SDHAF3: variants seen among roughly 807,000 people sequenced by gnomAD.
SDHAF3 encodes succinate dehydrogenase complex assembly factor 3.
SDHAF3 carries 18 observed loss-of-function variants against 11.5 expected under a neutral mutation model. The observed-to-expected ratio is 1.56, with a 90% CI of 1.08 to 2.32. SDHAF3 has a LOEUF of 2.32. Ranked by LOEUF, SDHAF3 falls within the 30% of genes most tolerant of loss-of-function variation. SDHAF3 has a pLI of 0.00. For synonymous variants in SDHAF3, 72 were observed against 59.3 expected (o/e 1.21, Z -0.99); for missense variants, 200 against 154.4 (o/e 1.30, Z -1.57).
In SDHAF3 at chr7:97,119,120, A is replaced by G. The variant is rs188929002; in HGVS notation, c.174+1223A>G. 5.3e-5 allele frequency among the ~76,000 whole-genome samples: 8 copies of G among 152,310 alleles called. No individual in the cohort carries two copies. The East Asian group carries it at 1.3e-3, about 26-fold the overall frequency. ...TCTATAAAATAATAAGTGTTTATGC[A>G]TCTCAAAATTTACGTATGTAAATGT... is the stretch of plus-strand genomic sequence containing the variant. On this transcript the variant is annotated intron_variant, in intron 1 of 1. Transcript: ENST00000432641.
chr7:97,164,138 G>A (rs1789460984), intron 1 of SDHAF3, among the ~76,000 whole-genome samples: 1 of 150,998 alleles, frequency 6.6e-6, no homozygotes, highest in African/African-American at 2.4e-5. Flanking sequence ...TAGAGACGAG[G>A]TTTCACCATG....
intron 1 of SDHAF3, among the ~76,000 whole-genome samples, chr7:97,166,261 T>C (rs1023610507): frequency 2.0e-5 from 3 of 152,128 alleles, no homozygotes; most frequent in African/African-American, 7.2e-5. Context: ...CCCTAGGTGG[T>C]TGGGCAACAG....
At chr7:97,130,963 A>G (rs560815733) in intron 1 of SDHAF3, among the ~76,000 whole-genome samples, 4 of 152,350 alleles carry the variant, frequency 2.6e-5, no homozygotes, top group South Asian at 2.1e-4. Context: ...GGACTTTGCC[A>G]GGAACTGGCA....
At chr7:97,122,640 G>A (rs1791519652) in intron 1 of SDHAF3, among the ~76,000 whole-genome samples, 5 of 152,116 alleles carry the variant, frequency 3.3e-5, no homozygotes, top group Admixed American at 3.3e-4. Context: ...AGTCATATAG[G>A]AGGAACAGAT....
chr7:97,181,333 TA>T lies in SDHAF3; in HGVS notation c.*119del. Reference sequence around the variant, plus strand: ...ACCTGTTATTAATGAAATACTCTTTTATTTTGGATATTATGATTGCAGTATA... The same window carrying T: ...ACCTGTTATTAATGAAATACTCTTTTTTTTGGATATTATGATTGCAGTATA... On this transcript the variant is annotated 3_prime_UTR_variant, in exon 2 of 2. Transcript: ENST00000432641. 1.4e-6 allele frequency: 1 copy of T among 724,738 alleles called. No individual in the cohort carries two copies. Among genetic ancestry groups the T allele is most frequent in the Non-Finnish European group, 2.2e-6 (1 of 450,020 alleles). The allele number at this position is 724,738 out of a possible 1,614,324, so 44.9% of individuals were successfully genotyped here.
chr7:97,124,696 T>G (rs1791548350), intron 1 of SDHAF3, among the ~76,000 whole-genome samples: 1 of 152,216 alleles, frequency 6.6e-6, no homozygotes. Context: ...TAGTTCTCCT[T>G]GAAGAGGTCC....
intron 1 of SDHAF3, among the ~76,000 whole-genome samples, chr7:97,130,655 C>T (rs1274223872): frequency 1.3e-5 from 2 of 152,232 alleles, no homozygotes; most frequent in Non-Finnish European, 2.9e-5. Context: ...GGTGGGAGGG[C>T]TACGACCATT....
intron 1 of SDHAF3, among the ~76,000 whole-genome samples, chr7:97,151,297 A>G (rs1584223008): frequency 1.3e-5 from 2 of 152,254 alleles, no homozygotes; most frequent in East Asian, 3.9e-4. Context: ...AGATGATTGG[A>G]ATTTTTATAA....
At chr7:97,118,156 A>AG (rs1562817821) in intron 1 of SDHAF3, among the ~76,000 whole-genome samples, 1 of 152,172 alleles carries the variant, frequency 6.6e-6, no homozygotes. Context: ...TGAGGGTAGG[A>AG]GGTCACAAAA....
intron 1 of SDHAF3, among the ~76,000 whole-genome samples, chr7:97,124,079 A>G (rs1347568688): frequency 2.6e-5 from 4 of 152,104 alleles, no homozygotes; most frequent in East Asian, 1.9e-4. Flanking sequence ...GCCCATGCCT[A>G]TGTCCTGAAT....
At chr7:97,136,816 A>G (rs1021473087) in intron 1 of SDHAF3, among the ~76,000 whole-genome samples, 4 of 152,180 alleles carry the variant, frequency 2.6e-5, no homozygotes, top group Non-Finnish European at 5.9e-5. Flanking sequence ...CCAGCAATTT[A>G]TTGCTCTGTG....
chr7:97,146,150 T>A (rs952775419), intron 1 of SDHAF3, among the ~76,000 whole-genome samples: 4 of 152,064 alleles, frequency 2.6e-5, no homozygotes, highest in African/African-American at 9.7e-5. Context: ...GACAGATAAT[T>A]TAGTTTAAAA....
At chr7:97,158,320 T>G (rs1789334889) in intron 1 of SDHAF3, among the ~76,000 whole-genome samples, 2 of 152,152 alleles carry the variant, frequency 1.3e-5, no homozygotes, top group South Asian at 4.1e-4. Context: ...ACATCTTAGT[T>G]TCCCCGTGTT....
chr7:97,122,560 G>A (rs2115615019), intron 1 of SDHAF3, among the ~76,000 whole-genome samples: 1 of 151,492 alleles, frequency 6.6e-6, no homozygotes, highest in East Asian at 1.9e-4. Context: ...GACTAATACA[G>A]TATTAGTGAA....
At chr7:97,138,524 A>C (rs565296383) in intron 1 of SDHAF3, among the ~76,000 whole-genome samples, 1 of 152,298 alleles carries the variant, frequency 6.6e-6, no homozygotes, top group East Asian at 1.9e-4. Context: ...GTATACCCAT[A>C]TGAGAGATTA....
At chr7:97,158,003 T>C (rs1323810046) in intron 1 of SDHAF3, among the ~76,000 whole-genome samples, 2 of 148,740 alleles carry the variant, frequency 1.3e-5, no homozygotes, top group African/African-American at 4.9e-5. Context: ...TTAGGAGATA[T>C]ACCTAATGTT....
intron 1 of SDHAF3, among the ~76,000 whole-genome samples, chr7:97,131,801 T>C (rs1791675146): frequency 6.6e-6 from 1 of 152,198 alleles, no homozygotes; most frequent in African/African-American, 2.4e-5. Context: ...TAGGTCATTC[T>C]GTGATTTACG....
chr7:97,152,774 T>G (rs1789244921), intron 1 of SDHAF3, among the ~76,000 whole-genome samples: 1 of 152,208 alleles, frequency 6.6e-6, no homozygotes, highest in Non-Finnish European at 1.5e-5. Flanking sequence ...CTCAGCCTCC[T>G]GAGTAGCTGG....
intron 1 of SDHAF3, among the ~76,000 whole-genome samples, chr7:97,168,853 A>G (rs1000586853): frequency 8.5e-5 from 13 of 152,128 alleles, no homozygotes; most frequent in South Asian, 2.1e-4. Context: ...TTATTCTTAT[A>G]TTCTCCTTTA....
Sources: allele counts gnomAD v4.1 joint callset (sites outside exome capture counted in the v4.1 genomes callset), GRCh38; gene constraint gnomAD v4.1.1; transcripts MANE v1.5; gene names NCBI Gene and HGNC (gene_info 2026-07-23, HGNC 2026-07-21).